NHSL2: variants seen among roughly 807,000 people sequenced by gnomAD.
NHSL2 encodes the protein NHS like 2.
A neutral mutation model predicts 53.4 loss-of-function variants in NHSL2; 27 were observed. The observed-to-expected ratio is 0.51, with a 90% CI of 0.37 to 0.70. NHSL2 has a LOEUF of 0.70. Among genes scored for constraint, NHSL2 ranks in the 30% least tolerant of loss-of-function variants. The pLI, the probability that NHSL2 is intolerant of heterozygous loss-of-function variation, is 0.00. For missense variants in NHSL2, 892 were observed against 980.1 expected, an observed-to-expected ratio of 0.91 and a Z score of 1.20; for synonymous variants, 408 against 404.1, an observed-to-expected ratio of 1.01 and a Z score of -0.12.
At chrX:72,026,540 A>G (rs899179109) in intron 1 of NHSL2, among the ~76,000 whole-genome samples, 5 of 112,572 alleles carry the variant, frequency 4.4e-5, no homozygotes, top group African/African-American at 1.6e-4. Context: ...GCAGCAAGAA[A>G]GAGCTATGGG....
chrX:72,032,089 T>TA (rs68182187), intron 1 of NHSL2, among the ~76,000 whole-genome samples: 6 of 103,139 alleles, frequency 5.8e-5, no homozygotes, highest in African/African-American at 2.3e-4. Flanking sequence ...GCCACTGAAG[T>TA]AAAAAAAAAA....
chrX:72,070,533 A>G (rs1243456989), intron 1 of NHSL2, among the ~76,000 whole-genome samples: 1 of 111,651 alleles, frequency 9.0e-6, no homozygotes, highest in Non-Finnish European at 1.9e-5. Context: ...CGGTGCAAGA[A>G]CAATTTGGAA....
intron 1 of NHSL2, among the ~76,000 whole-genome samples, chrX:72,114,104 A>T (rs1388865621): frequency 8.9e-6 from 1 of 112,114 alleles, no homozygotes; most frequent in African/African-American, 3.2e-5. Flanking sequence ...GGCATAGGAA[A>T]ATTTCTGGAA....
At chrX:72,070,731 C>T (rs1209097008) in intron 1 of NHSL2, among the ~76,000 whole-genome samples, 1 of 109,041 alleles carries the variant, frequency 9.2e-6, no homozygotes, top group African/African-American at 3.4e-5. Context: ...TGTCAGCACC[C>T]ACCACCCCCA....
chrX:72,021,053 G>A (rs1029149434), intron 1 of NHSL2, among the ~76,000 whole-genome samples: 1 of 98,428 alleles, frequency 1.0e-5, no homozygotes, highest in African/African-American at 5.2e-5. Context: ...ACACACACGC[G>A]TGCGCATACA....
At chrX:72,078,811 T>C (rs184893849) in intron 1 of NHSL2, among the ~76,000 whole-genome samples, 31 of 112,661 alleles carry the variant, frequency 2.8e-4, no homozygotes, top group Non-Finnish European at 3.6e-4. Context: ...AGTCTTTTTA[T>C]ATGGCTTCTG....
chrX:71,917,680 C>T (rs938438734), intron 1 of NHSL2, among the ~76,000 whole-genome samples: 1 of 110,912 alleles, frequency 9.0e-6, no homozygotes, highest in Non-Finnish European at 1.9e-5. Context: ...GCGAAGCTTC[C>T]AGGAAGATGT....
chrX:72,051,907 G>T (rs894009612), intron 1 of NHSL2, among the ~76,000 whole-genome samples: 7 of 111,839 alleles, frequency 6.3e-5, no homozygotes, highest in African/African-American at 2.0e-4. Context: ...TTGCCTCAAT[G>T]ACAGCTTTCT....
At chrX:71,953,799 T>C (rs2041830915) in intron 1 of NHSL2, among the ~76,000 whole-genome samples, 2 of 112,165 alleles carry the variant, frequency 1.8e-5, no homozygotes, top group South Asian at 7.5e-4. Flanking sequence ...TATTTCTTCA[T>C]TAGCTTCCTG....
At chrX:72,009,907 C>T (rs948921695) in intron 1 of NHSL2, among the ~76,000 whole-genome samples, 3 of 112,692 alleles carry the variant, frequency 2.7e-5, no homozygotes, top group Non-Finnish European at 5.6e-5. Flanking sequence ...AGTCTGCTCT[C>T]AGCCAGGCAC....
intron 1 of NHSL2, among the ~76,000 whole-genome samples, chrX:72,078,084 T>G (rs2041758989): frequency 8.9e-6 from 1 of 112,769 alleles, no homozygotes; most frequent in Non-Finnish European, 1.9e-5. Context: ...ACATAAGTGA[T>G]CTATAGATTA....
Position 71,911,471 on chromosome X carries a change from C to A in NHSL2, c.280+104C>A, listed in dbSNP as rs2041602140. Reference sequence around the variant, plus strand: ...CCCACCCTCTCCCCGCCTCTCTCCGCCCCTCCCCTCCCCTCCATTCGGGGA... The same window carrying A: ...CCCACCCTCTCCCCGCCTCTCTCCGACCCTCCCCTCCCCTCCATTCGGGGA... On this transcript the variant is annotated intron_variant, in intron 1 of 7. Transcript: ENST00000633930. The A allele has an allele frequency of 9.0e-6, 6 of 664,655 alleles. No homozygotes were observed. In the East Asian group the frequency reaches 2.6e-4, roughly 29 times the overall value. 54.8% of individuals were successfully genotyped at this position (664,655 alleles called of 1,213,427 possible).
chrX:72,108,964 T>G (rs1216398127), intron 1 of NHSL2, among the ~76,000 whole-genome samples: 1 of 111,563 alleles, frequency 9.0e-6, no homozygotes, highest in Non-Finnish European at 1.9e-5. Flanking sequence ...CTTGCCATGC[T>G]CCCCTCATAC....
At position 72,151,083 on chromosome X, in the gene NHSL2, C is replaced by T. The variant is rs1271323080; in HGVS notation, c.*7509C>T. On this transcript the variant is annotated 3_prime_UTR_variant, in exon 8 of 8. Transcript: ENST00000633930. Reference sequence around the variant, plus strand: ...AGGCTGGAGGGCAATTGTACAATCTCGGCTCATTACAACCTCCACCTCCCG... The same window carrying T: ...AGGCTGGAGGGCAATTGTACAATCTTGGCTCATTACAACCTCCACCTCCCG... 4 of 111,099 alleles carry T rather than the reference C, an allele frequency of 3.6e-5. No individual in the cohort carries two copies. The highest frequency in any genetic ancestry group is 5.7e-5 in the Non-Finnish European group (3 of 53,010). The allele number at this position is 111,099 out of a possible 1,213,427, so 9.2% of individuals were successfully genotyped here. A position where few individuals can be genotyped will look rare whatever the true frequency, so the allele number is the denominator to read the frequency against.
intron 1 of NHSL2, among the ~76,000 whole-genome samples, chrX:71,929,134 T>C (rs2041700569): frequency 8.9e-6 from 1 of 112,162 alleles, no homozygotes; most frequent in Non-Finnish European, 1.9e-5. Context: ...CCCCTAAGAC[T>C]TTGAAGTTCT....
intron 1 of NHSL2, among the ~76,000 whole-genome samples, chrX:71,967,344 T>C (rs968898424): frequency 2.7e-5 from 3 of 111,741 alleles, no homozygotes; most frequent in African/African-American, 9.7e-5. Context: ...TTTAGTTCGC[T>C]TTTTCTTCTA....
chrX:71,977,172 T>C (rs1048670055), intron 1 of NHSL2, among the ~76,000 whole-genome samples: 1 of 111,575 alleles, frequency 9.0e-6, no homozygotes, highest in Admixed American at 9.5e-5. Flanking sequence ...AGAAACAGAA[T>C]TCTCAGGTTC....
At chrX:72,125,953 C>G (rs909527234) in intron 1 of NHSL2, among the ~76,000 whole-genome samples, 3 of 112,128 alleles carry the variant, frequency 2.7e-5, no homozygotes, top group African/African-American at 9.7e-5. Context: ...TGGGAGATAG[C>G]AAGCACGGTG....
At chrX:72,050,364 T>G (rs936664831) in intron 1 of NHSL2, among the ~76,000 whole-genome samples, 25 of 111,900 alleles carry the variant, frequency 2.2e-4, no homozygotes, top group African/African-American at 8.1e-4. Context: ...TGATTGTGGC[T>G]GTGTTGTCCT....
Sources: gnomAD v4.1 joint callset for allele counts (sites outside exome capture counted in the v4.1 genomes callset) on GRCh38, gnomAD v4.1.1 for gene constraint, MANE v1.5 for transcripts, NCBI Gene and HGNC (gene_info 2026-07-23, HGNC 2026-07-21) for gene names.